Variants in ZMYM2 observed in about 807,000 individuals in gnomAD.
ZMYM2 encodes the protein zinc finger MYM-type protein 2.
In ZMYM2, 56 loss-of-function variants were observed where a neutral mutation model predicts 162.8. The observed-to-expected ratio is 0.34, with a 90% CI of 0.28 to 0.43. ZMYM2 has a LOEUF of 0.43. ZMYM2 is among the 20% of genes least tolerant of loss of function. The pLI is 1.00. For missense variants in ZMYM2, 1,275 were observed against 1,621.8 expected, an observed-to-expected ratio of 0.79 and a Z score of 3.67; for synonymous variants, 510 against 541.6, an observed-to-expected ratio of 0.94 and a Z score of 0.81.
At chr13:19,879,890 C>G in the ZMYM2 span, among the ~76,000 whole-genome samples, 83 of 152,302 alleles carry the variant, frequency 5.4e-4, no homozygotes, top group African/African-American at 1.9e-3. Flanking sequence ...ATTATCGGCC[C>G]TCACTAATGT....
At chr13:19,987,620 C>CATGTGTGTGTGTGTGT (rs1555288015) in intron 2 of ZMYM2, among the ~76,000 whole-genome samples, 1 of 121,300 alleles carries the variant, frequency 8.2e-6, no homozygotes, top group Non-Finnish European at 1.7e-5. Flanking sequence ...GGGGTTTTGT[C>CATGTGTGTGTGTGTGT]GTGTGTGTGT....
At chr13:20,005,717 CCCT>C (rs1176437227) in intron 5 of ZMYM2, among the ~76,000 whole-genome samples, 1 of 152,072 alleles carries the variant, frequency 6.6e-6, no homozygotes, top group Admixed American at 6.5e-5. Flanking sequence ...AATGGTTCTC[CCCT>C]CCTCATTTTT....
the ZMYM2 span, among the ~76,000 whole-genome samples, chr13:19,936,168 A>G: frequency 2.0e-5 from 3 of 152,094 alleles, no homozygotes; most frequent in African/African-American, 7.2e-5. Flanking sequence ...CTATAATACT[A>G]TTTTCTAAAG....
chr13:20,085,346 G>C (rs1958190005), intron 24 of ZMYM2, among the ~76,000 whole-genome samples: 1 of 152,140 alleles, frequency 6.6e-6, no homozygotes, highest in Non-Finnish European at 1.5e-5. Flanking sequence ...GTAACTATTT[G>C]TTAGTAGGAA....
chr13:20,078,439 C>G (rs1957670125), intron 21 of ZMYM2, among the ~76,000 whole-genome samples: 1 of 152,162 alleles, frequency 6.6e-6, no homozygotes, highest in South Asian at 2.1e-4. Context: ...TTAGCTAGCT[C>G]TCCGAAACAT....
rs56664916 is a variant in ZMYM2, at chr13:20,075,670, C to CTTTTTTTTTTTTTTTTTTT, written c.3454-6332_3454-6314dup. ...TTATTATGAATAGAACTATAGACACCTTTTTTTTTTTTTTTTTTTTTTTTT... is the reference window on the plus strand; with the variant it reads ...TTATTATGAATAGAACTATAGACACCTTTTTTTTTTTTTTTTTTTTTTTTTTTTTTTTTTTTTTTTTTTT... On this transcript the variant is annotated intron_variant, in intron 21 of 24. Coordinates refer to ENST00000610343, the MANE Select transcript of ZMYM2 (RefSeq NM_197968.4). 3.2e-4 allele frequency among the ~76,000 whole-genome samples: 24 copies of CTTTTTTTTTTTTTTTTTTT among 75,718 alleles called. 1 individual carries two copies. Among genetic ancestry groups the CTTTTTTTTTTTTTTTTTTT allele is most frequent in the African/African-American group, 6.0e-4 (11 of 18,452 alleles). 49.7% of individuals were successfully genotyped at this position (75,718 alleles called of 152,430 possible).
rs1949756469 is a variant in ZMYM2 at position 19,993,124 on chromosome 13, T to A, written c.52T>A (p.Leu18Ile). 6.2e-7 allele frequency: 1 copy of A among 1,614,010 alleles called. No individual in the cohort carries two copies. The highest frequency in any genetic ancestry group is 1.1e-5 in the South Asian group (1 of 91,050). The change falls in exon 3 of 25, where the codon TTA becomes ATA. Residue 18 changes from leucine to isoleucine, a missense_variant. Leu to Ile is a conservative substitution (Grantham distance 5, BLOSUM62 2). Coordinates refer to ENST00000610343, the MANE Select transcript of ZMYM2 (RefSeq NM_197968.4). The part of the protein sequence containing the change: ...GLELTDQTPV[L>I]LGSTAMATSL... Reference sequence around the variant, plus strand: ...AGAATTGACTGATCAGACTCCTGTTTTATTAGGGAGTACGGCCATGGCAAC... The same window carrying A: ...AGAATTGACTGATCAGACTCCTGTTATATTAGGGAGTACGGCCATGGCAAC...
chr13:19,891,409 G>C, the ZMYM2 span, among the ~76,000 whole-genome samples: 2 of 150,576 alleles, frequency 1.3e-5, no homozygotes, highest in African/African-American at 4.9e-5. Context: ...AAGCCACCCA[G>C]TCTGTGGTAT....
intron 6 of ZMYM2, among the ~76,000 whole-genome samples, chr13:20,018,270 TTTA>T (rs1951784887): frequency 6.6e-6 from 1 of 152,258 alleles, no homozygotes. Context: ...TAGTGTTTCT[TTTA>T]TTCTTTAAAA....
chr13:19,957,475 A>G (rs1418369608), upstream of ZMYM2, among the ~76,000 whole-genome samples: 4 of 152,234 alleles, frequency 2.6e-5, no homozygotes, highest in Non-Finnish European at 4.4e-5. Flanking sequence ...GTTCAGCACC[A>G]TGACGTCCGC....
At chr13:19,939,078 C>G in the ZMYM2 span, among the ~76,000 whole-genome samples, 42 of 142,210 alleles carry the variant, frequency 3.0e-4, no homozygotes, top group Non-Finnish European at 8.9e-5. Flanking sequence ...GGGTGGAGTG[C>G]AATGGCGTGA....
chr13:19,926,164 T>C, the ZMYM2 span, among the ~76,000 whole-genome samples: 1 of 151,522 alleles, frequency 6.6e-6, no homozygotes, highest in Non-Finnish European at 1.5e-5. Flanking sequence ...TTTCACCATG[T>C]TGGCCAGGCT....
At chr13:20,079,538 C>T (rs1229647043) in intron 21 of ZMYM2, among the ~76,000 whole-genome samples, 1 of 151,974 alleles carries the variant, frequency 6.6e-6, no homozygotes, top group South Asian at 2.1e-4. Context: ...GGCTTTGGTG[C>T]TAAGGGAGCC....
chr13:20,015,872 GAT>G (rs977279001), intron 6 of ZMYM2, among the ~76,000 whole-genome samples: 2 of 151,614 alleles, frequency 1.3e-5, no homozygotes, highest in African/African-American at 4.8e-5. Context: ...TGTATCTTTG[GAT>G]AAATAAATCC....
chr13:19,911,472 C>G, the ZMYM2 span, among the ~76,000 whole-genome samples: 1 of 152,140 alleles, frequency 6.6e-6, no homozygotes, highest in Non-Finnish European at 1.5e-5. Flanking sequence ...ACAATTGTTA[C>G]GCTTTCTTTT....
chr13:19,875,661 T>C, the ZMYM2 span, among the ~76,000 whole-genome samples: 72 of 151,180 alleles, frequency 4.8e-4, 1 homozygote, highest in Admixed American at 4.5e-3. Context: ...AATTATGTTA[T>C]TGTTTCCTTT....
intron 9 of ZMYM2, among the ~76,000 whole-genome samples, chr13:20,030,634 G>A (rs1217016528): frequency 3.3e-5 from 5 of 152,214 alleles, no homozygotes; most frequent in South Asian, 2.1e-4. Context: ...TCCTGACTTC[G>A]TGATCCGCCC....
intron 5 of ZMYM2, among the ~76,000 whole-genome samples, chr13:20,005,570 C>T (rs374902795): frequency 1.3e-5 from 2 of 151,988 alleles, no homozygotes; most frequent in Non-Finnish European, 2.9e-5. Flanking sequence ...AACAAGCAGG[C>T]AGACTACACA....
At chr13:19,908,119 C>T in the ZMYM2 span, among the ~76,000 whole-genome samples, 2 of 152,016 alleles carry the variant, frequency 1.3e-5, no homozygotes, top group Non-Finnish European at 2.9e-5. Context: ...AAAACCCTGT[C>T]TCTGCAAAAA....
Sources: gnomAD v4.1 joint callset for allele counts (sites outside exome capture counted in the v4.1 genomes callset) on GRCh38, gnomAD v4.1.1 for gene constraint, MANE v1.5 for transcripts, NCBI Gene and HGNC (gene_info 2026-07-23, HGNC 2026-07-21) for gene names.